BBX: variants seen among roughly 807,000 people sequenced by gnomAD.
BBX encodes BBX high mobility group box domain containing.
BBX carries 30 observed loss-of-function variants against 100.2 expected under a neutral mutation model. That is an observed-to-expected ratio of 0.30 (90% CI 0.22 to 0.41). BBX has a LOEUF of 0.41. Ranked by LOEUF, BBX falls within the 10% of genes least tolerant of loss-of-function variation. The probability of loss-of-function intolerance (pLI) is 1.00; values close to 1 mark genes in which losing one functional copy is unlikely to be tolerated. For synonymous variants in BBX, 376 were observed against 388.1 expected (o/e 0.97, Z 0.37); for missense variants, 1,023 against 1,129.8 (o/e 0.91, Z 1.35).
chr3:107,668,381 C>T (rs1315793688), intron 3 of BBX, among the ~76,000 whole-genome samples: 3 of 152,154 alleles, frequency 2.0e-5, no homozygotes, highest in Non-Finnish European at 2.9e-5. Flanking sequence ...CTTGGCTGCC[C>T]TTTTCATCCA....
intron 13 of BBX, among the ~76,000 whole-genome samples, chr3:107,779,523 T>C (rs1304197643): frequency 3.3e-5 from 5 of 152,150 alleles, no homozygotes; most frequent in African/African-American, 1.2e-4. Context: ...GATCAGACTC[T>C]AGCAGGATTT....
At chr3:107,781,241 C>A (rs1379907056) in intron 13 of BBX, among the ~76,000 whole-genome samples, 1 of 152,008 alleles carries the variant, frequency 6.6e-6, no homozygotes, top group Non-Finnish European at 1.5e-5. Context: ...CTCTTCCTGT[C>A]TTTCCCATGG....
chr3:107,746,098 T>C (rs2064577853), intron 8 of BBX, among the ~76,000 whole-genome samples: 1 of 152,204 alleles, frequency 6.6e-6, no homozygotes, highest in South Asian at 2.1e-4. Flanking sequence ...CAAAATTGGA[T>C]GGATTGTAAC....
At chr3:107,799,514 G>A (rs758723239) in intron 16 of BBX, among the ~76,000 whole-genome samples, 1 of 151,980 alleles carries the variant, frequency 6.6e-6, no homozygotes, top group Non-Finnish European at 1.5e-5. Context: ...TTCTCAATGT[G>A]CACAAAAGCA....
intron 3 of BBX, among the ~76,000 whole-genome samples, chr3:107,680,409 G>A (rs1480926108): frequency 6.6e-6 from 1 of 152,154 alleles, no homozygotes; most frequent in Non-Finnish European, 1.5e-5. Context: ...GGGTGTAAGT[G>A]GTAGTAGACA....
intron 3 of BBX, among the ~76,000 whole-genome samples, chr3:107,664,232 T>C (rs2058622667): frequency 6.6e-6 from 1 of 152,172 alleles, no homozygotes; most frequent in Admixed American, 6.5e-5. Context: ...TGTTCAGGAG[T>C]TGAATTGTTA....
intron 3 of BBX, among the ~76,000 whole-genome samples, chr3:107,673,915 C>T (rs2059151264): frequency 6.6e-6 from 1 of 152,162 alleles, no homozygotes; most frequent in South Asian, 2.1e-4. Context: ...AAAAGAGGCA[C>T]TGTCCTCGTG....
Position 107,617,660 on chromosome 3 carries a change from A to T in BBX, c.-83-28176A>T, listed in dbSNP as rs151285658. On this transcript the variant is annotated intron_variant, in intron 2 of 17. Transcript: ENST00000325805. ...TTGTAATCTTCATTTTAGTGTCTAC[A>T]TGTTAAAATATTTTAATTTTGATGT... Among the ~76,000 whole-genome samples the T allele has an allele frequency of 6.8e-3, 1,039 of 152,258 alleles. 15 individuals carry two copies. Among genetic ancestry groups the T allele is most frequent in the African/African-American group, 0.023 (959 of 41,566 alleles).
chr3:107,810,351 CTG>C lies in BBX; in HGVS notation c.*4895_*4896del, dbSNP rs2071238864. The C allele has an allele frequency of 6.6e-6, 1 of 152,090 alleles. No individual in the cohort carries two copies. The highest frequency in any genetic ancestry group is 1.9e-4 in the East Asian group (1 of 5,204). The allele number at this position is 152,090 out of a possible 1,614,324, so 9.4% of individuals were successfully genotyped here. On this transcript the variant is annotated 3_prime_UTR_variant, in exon 18 of 18. Coordinates refer to ENST00000325805, the MANE Select transcript of BBX (RefSeq NM_001142568.3). ...TTCTTTTTGCAGTCAGTGGTCAAAA[CTG>C]ATCATGTGCTTAAATCGATTTTTAT...
At position 107,752,826 on chromosome 3, in the gene BBX, T is replaced by C. The variant is rs2065181301; in HGVS notation, c.826-2772T>C. 2.6e-5 allele frequency among the ~76,000 whole-genome samples: 4 copies of C among 152,332 alleles called. No individual in the cohort carries two copies. The South Asian group carries it at 8.3e-4, about 32-fold the overall frequency. On this transcript the variant is annotated intron_variant, in intron 9 of 17. Coordinates refer to ENST00000325805, the MANE Select transcript of BBX (RefSeq NM_001142568.3). The stretch of plus-strand genomic sequence containing the variant: ...TGCCGTATGGCCCACTAGTGCCCTC[T>C]ACCTACCAACCTAGCAAACACACAC...
intron 2 of BBX, among the ~76,000 whole-genome samples, chr3:107,535,938 T>G (rs1211457128): frequency 2.6e-5 from 4 of 152,216 alleles, no homozygotes; most frequent in Non-Finnish European, 5.9e-5. Context: ...GTGAATATAT[T>G]TTACTAAAGG....
chr3:107,752,287 G>A (rs1474453443), intron 9 of BBX, among the ~76,000 whole-genome samples: 2 of 152,018 alleles, frequency 1.3e-5, no homozygotes, highest in African/African-American at 4.8e-5. Flanking sequence ...TTTTCATGAG[G>A]GAATGCTCAG....
intron 2 of BBX, chr3:107,526,767 C>A: frequency 6.4e-6 from 1 of 156,466 alleles, no homozygotes. Flanking sequence ...TTATTAAAAA[C>A]CCAAGGAAGC....
chr3:107,540,370 T>G (rs182211005), intron 2 of BBX, among the ~76,000 whole-genome samples: 35 of 149,708 alleles, frequency 2.3e-4, no homozygotes, highest in Non-Finnish European at 2.5e-4. Context: ...ATCTTATCTT[T>G]GTTTCCCGAG....
chr3:107,615,195 C>G (rs1427505573), intron 2 of BBX, among the ~76,000 whole-genome samples: 1 of 152,038 alleles, frequency 6.6e-6, no homozygotes, highest in Non-Finnish European at 1.5e-5. Context: ...ACTCATTGAC[C>G]ATGTATTTAA....
chr3:107,741,241 T>C (rs2064078023), intron 7 of BBX, among the ~76,000 whole-genome samples: 1 of 152,102 alleles, frequency 6.6e-6, no homozygotes, highest in South Asian at 2.1e-4. Context: ...TCACAATGCA[T>C]GTAACTGGCT....
chr3:107,748,709 T>C (rs2064824515), intron 9 of BBX, among the ~76,000 whole-genome samples: 2 of 152,146 alleles, frequency 1.3e-5, no homozygotes, highest in South Asian at 4.1e-4. Flanking sequence ...ATATGACAAA[T>C]AATAAAACGT....
rs2071272222 is a variant in BBX at position 107,811,325 on chromosome 3, T to C, written c.*5868T>C. On this transcript the variant is annotated 3_prime_UTR_variant, in exon 18 of 18. Transcript: ENST00000325805. ...TAATAAAAGTAAGATATTTCAACTA[T>C]TTTAGAACATCGAATGATGTGTCCC... 6.6e-6 allele frequency: 1 copy of C among 152,230 alleles called. No homozygotes were observed. The highest frequency in any genetic ancestry group is 1.5e-5 in the Non-Finnish European group (1 of 68,030). 9.4% of individuals were successfully genotyped at this position (152,230 alleles called of 1,614,324 possible). A position where few individuals can be genotyped will look rare whatever the true frequency, so the allele number is the denominator to read the frequency against.
At chr3:107,604,169 T>G (rs1251684272) in intron 2 of BBX, among the ~76,000 whole-genome samples, 2 of 152,186 alleles carry the variant, frequency 1.3e-5, no homozygotes, top group Non-Finnish European at 2.9e-5. Context: ...GTTTTAAAAC[T>G]ATTCCCAGGT....
Sources: allele counts gnomAD v4.1 joint callset (sites outside exome capture counted in the v4.1 genomes callset), GRCh38; gene constraint gnomAD v4.1.1; transcripts MANE v1.5; gene names NCBI Gene and HGNC (gene_info 2026-07-23, HGNC 2026-07-21).